The following ITGA8 variants were observed in gnomAD, a reference collection of about 807,000 sequenced individuals.
ITGA8 encodes integrin alpha-8.
A neutral mutation model predicts 142.3 loss-of-function variants in ITGA8; 91 were observed. The ratio of observed to expected loss-of-function variants is 0.64; its 90% confidence interval spans 0.54 to 0.76. The LOEUF is 0.76. ITGA8 is among the 30% of genes least tolerant of loss of function. The probability of loss-of-function intolerance (pLI) is 0.00; values close to 1 mark genes in which losing one functional copy is unlikely to be tolerated. For missense variants in ITGA8, 1,406 were observed against 1,327.7 expected, an observed-to-expected ratio of 1.06 and a Z score of -0.92; for synonymous variants, 505 against 485.2, an observed-to-expected ratio of 1.04 and a Z score of -0.54.
chr10:15,517,159 C>A lies in ITGA8; in HGVS notation c.3191G>T (p.Ter1064LeuextTer61). The A allele has an allele frequency of 1.2e-6, 2 of 1,607,014 alleles. No homozygotes were observed. Among genetic ancestry groups the A allele is most frequent in the South Asian group, 1.1e-5 (1 of 90,456 alleles). The change falls in exon 30 of 30, where the codon TGA (stop) becomes TTA (leucine). Residue 1064 changes from the stop codon to leucine, a stop_lost. Transcript: ENST00000378076. ...CTTTGGTCTTCTTTTTTTTTCTTGTCATGCCTCAGGGGTCTTGTCATTTGT... is the reference window on the plus strand; with the variant it reads ...CTTTGGTCTTCTTTTTTTTTCTTGTAATGCCTCAGGGGTCTTGTCATTTGT... The part of the protein sequence containing the change: ...QLTNDKTPEA[*>L]
At chr10:15,570,934 C>G (rs1229263809) in intron 25 of ITGA8, among the ~76,000 whole-genome samples, 1 of 152,060 alleles carries the variant, frequency 6.6e-6, no homozygotes. Context: ...AAATGCAATG[C>G]AGGATATGTA....
At chr10:15,615,318 C>G (rs1011791075) in intron 14 of ITGA8, among the ~76,000 whole-genome samples, 1 of 152,132 alleles carries the variant, frequency 6.6e-6, no homozygotes, top group African/African-American at 2.4e-5. Context: ...ATGGCTGGTA[C>G]AAGTCAACCC....
At chr10:15,544,318 A>AAAC (rs1235985078) in intron 27 of ITGA8, among the ~76,000 whole-genome samples, 1 of 151,976 alleles carries the variant, frequency 6.6e-6, no homozygotes, top group East Asian at 1.9e-4. Flanking sequence ...AAACAAAACA[A>AAAC]AACAACAACA....
intron 15 of ITGA8, among the ~76,000 whole-genome samples, chr10:15,609,168 C>T (rs1343466750): frequency 6.6e-6 from 1 of 152,146 alleles, no homozygotes; most frequent in Non-Finnish European, 1.5e-5. Flanking sequence ...TGAGAGACGA[C>T]TGACTCCCTG....
intron 20 of ITGA8, among the ~76,000 whole-genome samples, chr10:15,599,246 A>G (rs1215368642): frequency 6.6e-6 from 1 of 151,956 alleles, no homozygotes; most frequent in Non-Finnish European, 1.5e-5. Flanking sequence ...CTCGTTAATA[A>G]GAGGAACAAT....
chr10:15,669,666 G>C (rs919996162), intron 8 of ITGA8, among the ~76,000 whole-genome samples: 1 of 151,978 alleles, frequency 6.6e-6, no homozygotes, highest in African/African-American at 2.4e-5. Context: ...GGTCTTTGAT[G>C]ATGGTGACGT....
chr10:15,633,467 T>C (rs1186988050), intron 13 of ITGA8, among the ~76,000 whole-genome samples: 1 of 152,232 alleles, frequency 6.6e-6, no homozygotes, highest in Non-Finnish European at 1.5e-5. Context: ...ATTCTTGCTC[T>C]GTCACCCAGG....
At chr10:15,544,671 C>T (rs1833636052) in intron 27 of ITGA8, among the ~76,000 whole-genome samples, 1 of 152,174 alleles carries the variant, frequency 6.6e-6, no homozygotes, top group Non-Finnish European at 1.5e-5. Flanking sequence ...AGCAACCCTC[C>T]AAGATGGCCA....
In ITGA8 at chr10:15,635,918, TACACACACACACACAC is replaced by T. The variant is rs4030579; in HGVS notation, c.1399+8096_1399+8111del. Among the ~76,000 whole-genome samples, 19 of 143,044 alleles carry T rather than the reference TACACACACACACACAC, an allele frequency of 1.3e-4. 1 individual carries two copies. Among genetic ancestry groups the T allele is most frequent in the African/African-American group, 7.9e-5 (3 of 38,174 alleles). 93.8% of individuals were successfully genotyped at this position (143,044 alleles called of 152,430 possible). A position where few individuals can be genotyped will look rare whatever the true frequency, so the allele number is the denominator to read the frequency against. On this transcript the variant is annotated intron_variant, in intron 13 of 29. Transcript: ENST00000378076. The stretch of plus-strand genomic sequence containing the variant: ...TTCTGTGTTACTTGTTTGCTTATAC[TACACACACACACACAC>T]ACACACACACACACACACACACAGA...
At chr10:15,701,735 A>G (rs2131727423) in intron 2 of ITGA8, among the ~76,000 whole-genome samples, 1 of 152,322 alleles carries the variant, frequency 6.6e-6, no homozygotes, top group African/African-American at 2.4e-5. Context: ...GACCCAGTAG[A>G]GAAAACAGTA....
intron 13 of ITGA8, 76 bp downstream of exon 13, chr10:15,643,954 G>C (rs1833916445): frequency 7.5e-7 from 1 of 1,337,778 alleles, no homozygotes; most frequent in Non-Finnish European, 1.0e-6. Flanking sequence ...AACTGCCTTT[G>C]CATGATGCAT....
At chr10:15,606,651 CTTCT>C (rs1833202037) in intron 17 of ITGA8, among the ~76,000 whole-genome samples, 1 of 152,304 alleles carries the variant, frequency 6.6e-6, no homozygotes, top group South Asian at 2.1e-4. Context: ...TTGAAATACG[CTTCT>C]GGAGCCAATC....
chr10:15,559,537 C>T (rs970001330), intron 25 of ITGA8, among the ~76,000 whole-genome samples: 1 of 152,206 alleles, frequency 6.6e-6, no homozygotes, highest in Admixed American at 6.5e-5. Context: ...AGGAAAGTGT[C>T]GTTTTTATAC....
At chr10:15,674,516 G>A (rs1834589536) in intron 6 of ITGA8, among the ~76,000 whole-genome samples, 1 of 152,136 alleles carries the variant, frequency 6.6e-6, no homozygotes, top group African/African-American at 2.4e-5. Flanking sequence ...GTAGCCATCT[G>A]TTGTGCAAAA....
intron 13 of ITGA8, among the ~76,000 whole-genome samples, chr10:15,628,139 C>T (rs1192245323): frequency 6.6e-6 from 1 of 151,934 alleles, no homozygotes; most frequent in Non-Finnish European, 1.5e-5. Context: ...GAATTACCCA[C>T]TCCTTTCGCA....
At chr10:15,616,733 C>T (rs1208469048) in intron 13 of ITGA8, among the ~76,000 whole-genome samples, 174 bp from the exon 14 acceptor site, 1 of 79,596 alleles carries the variant, frequency 1.3e-5, no homozygotes, top group Non-Finnish European at 3.6e-5. Flanking sequence ...GTTGGAGCTT[C>T]ACTATAACCA....
chr10:15,591,743 C>A (rs900223307), intron 22 of ITGA8, among the ~76,000 whole-genome samples: 3 of 152,180 alleles, frequency 2.0e-5, no homozygotes, highest in Non-Finnish European at 4.4e-5. Flanking sequence ...GGCTTGCCCT[C>A]AAAATGGAGT....
chr10:15,533,167 G>A (rs1833347179), intron 27 of ITGA8, among the ~76,000 whole-genome samples: 1 of 152,020 alleles, frequency 6.6e-6, no homozygotes, highest in Non-Finnish European at 1.5e-5. Context: ...TTTTTCCCCT[G>A]TGGCAGAATT....
intron 28 of ITGA8, among the ~76,000 whole-genome samples, chr10:15,523,765 A>AT (rs1833111926): frequency 6.6e-6 from 1 of 151,008 alleles, no homozygotes; most frequent in African/African-American, 2.4e-5. Context: ...CCAAAAAAAA[A>AT]AAAAAAAAAA....
Sources: gnomAD v4.1 joint callset for allele counts (sites outside exome capture counted in the v4.1 genomes callset) on GRCh38, gnomAD v4.1.1 for gene constraint, MANE v1.5 for transcripts, NCBI Gene and HGNC (gene_info 2026-07-23, HGNC 2026-07-21) for gene names.